Variants in E4F1 observed in about 807,000 individuals in gnomAD.
E4F1 encodes the protein transcription factor E4F1.
A neutral mutation model predicts 72.9 loss-of-function variants in E4F1; 30 were observed. The ratio of observed to expected loss-of-function variants is 0.41; its 90% confidence interval spans 0.31 to 0.56. The LOEUF (loss-of-function observed/expected upper bound fraction) is 0.56, where lower values mean the gene tolerates loss of function less well. Among genes scored for constraint, E4F1 ranks in the 20% least tolerant of loss-of-function variants. The probability of loss-of-function intolerance (pLI) is 0.25; values close to 1 mark genes in which losing one functional copy is unlikely to be tolerated. For synonymous variants in E4F1, 542 were observed against 478.2 expected (o/e 1.13, Z -1.74); for missense variants, 1,091 against 1,117.5 (o/e 0.98, Z 0.34).
rs1393383545 is a variant in E4F1, at chr16:2,235,305, CGAG to C, written c.2092_2094del (p.Glu698del). 3.1e-6 allele frequency: 5 copies of C among 1,611,042 alleles called. No individual in the cohort carries two copies. The highest frequency in any genetic ancestry group is 3.4e-6 in the Non-Finnish European group (4 of 1,179,930). On this transcript the variant is annotated inframe_deletion, in exon 14 of 14. Coordinates refer to ENST00000301727, the MANE Select transcript of E4F1 (RefSeq NM_004424.5). ...TCATCGTGCAGAACGTCACCATGGA[CGAG>C]GAGACGGCGCTGGGCCCAGAGGCGG... is the stretch of plus-strand genomic sequence containing the variant.
Position 2,235,133 on chromosome 16 carries a change from C to G in E4F1, c.1988C>G (p.Thr663Ser). The G allele has an allele frequency of 6.2e-7, 1 of 1,612,204 alleles. No individual in the cohort carries two copies. The highest frequency in any genetic ancestry group is 8.5e-7 in the Non-Finnish European group (1 of 1,179,886). Residue 663 changes from threonine to serine, a missense_variant, in exon 13 of 14, where the codon ACC becomes AGC. Physicochemically the swap from Thr to Ser is moderately conservative, Grantham distance 58 (BLOSUM62 1). Coordinates refer to ENST00000301727, the MANE Select transcript of E4F1 (RefSeq NM_004424.5). Reference protein sequence around the residue: ...TSEATEIIEGTQTEVDSHIMK... With the variant: ...TSEATEIIEGSQTEVDSHIMK... Reference sequence around the variant, plus strand: ...GAGGCCACGGAGATCATCGAGGGCACCCAGACAGAGGTGAGGGGTAGGGCA... The same window carrying G: ...GAGGCCACGGAGATCATCGAGGGCAGCCAGACAGAGGTGAGGGGTAGGGCA...
chr16:2,234,834 G>A (rs1340084544), intron 11 of E4F1, 25 bp from the exon 12 acceptor site: 13 of 1,547,590 alleles, frequency 8.4e-6, no homozygotes, highest in Non-Finnish European at 1.0e-5. Flanking sequence ...GGCTTGCCTA[G>A]CCCTGACCGA....
At position 2,235,718 on chromosome 16, in the gene E4F1, T is replaced by G. The variant is rs1432394606; in HGVS notation, c.*146T>G. 1 of 698,112 alleles carries G rather than the reference T, an allele frequency of 1.4e-6. No individual in the cohort carries two copies. Among genetic ancestry groups the G allele is most frequent in the Non-Finnish European group, 2.3e-6 (1 of 436,778 alleles). 43.2% of individuals were successfully genotyped at this position (698,112 alleles called of 1,614,324 possible). A position where few individuals can be genotyped will look rare whatever the true frequency, so the allele number is the denominator to read the frequency against. On this transcript the variant is annotated 3_prime_UTR_variant, in exon 14 of 14. Coordinates refer to ENST00000301727, the MANE Select transcript of E4F1 (RefSeq NM_004424.5). Reference sequence around the variant, plus strand: ...GTGTACATAAGAGTTTCTTGTTGCTTTACAATAAAACATGAGAACCTGCAG... The same window carrying G: ...GTGTACATAAGAGTTTCTTGTTGCTGTACAATAAAACATGAGAACCTGCAG...
rs142656555 is a variant in E4F1 at position 2,232,243 on chromosome 16, C to A, written c.488C>A (p.Pro163Gln). 3 of 1,612,668 alleles carry A rather than the reference C, an allele frequency of 1.9e-6. No homozygotes were observed. Among genetic ancestry groups the A allele is most frequent in the Non-Finnish European group, 1.7e-6 (2 of 1,179,782 alleles). Residue 163 changes from proline to glutamine, a missense_variant, in exon 4 of 14, where the codon CCG (proline) becomes CAG (glutamine). Pro to Gln is a moderately conservative substitution (Grantham distance 76). This residue lies in a region of E4F1 where 362 missense variants were observed against 358.6 expected (regional missense o/e 1.01). Transcript: ENST00000301727. ...GGAGACGGTGAGATGGCCGAGGCCC[C>A]GGGCAGCCCCCGCCAGCAGGGGCTG... ...ELGDGEMAEA[P>Q]GSPRQQGLGL... is the part of the protein sequence containing the mutation.
intron 2 of E4F1, among the ~76,000 whole-genome samples, chr16:2,229,243 T>A (rs1047788374): frequency 1.3e-5 from 2 of 152,216 alleles, no homozygotes; most frequent in African/African-American, 4.8e-5. Flanking sequence ...GACTGTGCCA[T>A]TGTTCCTGCA....
At position 2,235,427 on chromosome 16, in the gene E4F1, T is replaced by C; in HGVS notation, c.2210T>C (p.Leu737Pro). 1 of 1,612,348 alleles carries C rather than the reference T, an allele frequency of 6.2e-7. No individual in the cohort carries two copies. The highest frequency in any genetic ancestry group is 1.1e-5 in the South Asian group (1 of 91,072). The change falls in exon 14 of 14, where the codon CTT becomes CCT. Residue 737 changes from leucine (L) to proline (P), a missense_variant. By Grantham distance (98) the Leu-to-Pro change is moderately conservative. Around this residue, in one of 5 missense-constraint regions of E4F1, gnomAD observed 622 missense variants for 628.0 expected, o/e 0.99. Transcript: ENST00000301727. Reference protein sequence around the residue: ...LASAISEGTVLAARAGTSGTE... With the variant: ...LASAISEGTVPAARAGTSGTE... ...TCGGCCATCAGCGAGGGCACTGTGC[T>C]TGCCGCCCGGGCAGGGACAAGTGGC...
Position 2,234,754 on chromosome 16 carries a change from A to G in E4F1, c.1765A>G (p.Thr589Ala). 6.6e-7 allele frequency: 1 copy of G among 1,518,822 alleles called. No homozygotes were observed. Among genetic ancestry groups the G allele is most frequent in the Non-Finnish European group, 8.8e-7 (1 of 1,129,986 alleles). 94.1% of individuals were successfully genotyped at this position (1,518,822 alleles called of 1,614,324 possible). A position where few individuals can be genotyped will look rare whatever the true frequency, so the allele number is the denominator to read the frequency against. ...CGGCCGTGGCTTCGCCGAGCACGGC[A>G]CGCTGAACCGGCACCTGCGCACCAA... ...KCGRGFAEHG[T>A]LNRHLRTKGG... is the part of the protein sequence containing the mutation. The change falls in exon 11 of 14, where the codon ACG becomes GCG. Residue 589 changes from threonine to alanine, a missense_variant. By Grantham distance (58) the Thr-to-Ala change is moderately conservative. Transcript: ENST00000301727.
In E4F1 at chr16:2,223,803, G is replaced by A. The variant is rs187072710; in HGVS notation, c.157+33G>A. 5.2e-3 allele frequency: 7,960 copies of A among 1,536,578 alleles called. 43 individuals are homozygous for A. Among genetic ancestry groups the A allele is most frequent in the South Asian group, 0.014 (1,163 of 84,128 alleles). ...GGCCGACCCGGAGGGTGCGGCCGGG[G>A]TGCGGGCAGTTCATCCCGGGCTGGC... On this transcript the variant is annotated intron_variant, in intron 1 of 13. Coordinates refer to ENST00000301727, the MANE Select transcript of E4F1 (RefSeq NM_004424.5).
Position 2,225,752 on chromosome 16 carries a change from G to C in E4F1, c.157+1982G>C, listed in dbSNP as rs992708948. On this transcript the variant is annotated intron_variant, in intron 1 of 13. Coordinates refer to ENST00000301727, the MANE Select transcript of E4F1 (RefSeq NM_004424.5). ...CTCCCAAAGTGCTGGGAATACAGTC[G>C]TGCGCCACCGTGCCCGGCTCCTCCC... is the stretch of plus-strand genomic sequence containing the variant. Among the ~76,000 whole-genome samples, 6 of 146,714 alleles carry C rather than the reference G, an allele frequency of 4.1e-5. No homozygotes were observed. The Admixed American group carries it at 4.1e-4, about 10-fold the overall frequency.
At position 2,232,478 on chromosome 16, in the gene E4F1, T is replaced by C; in HGVS notation, c.632T>C (p.Met211Thr). The change falls in exon 5 of 14, where the codon ATG becomes ACG. Residue 211 changes from methionine (M) to threonine (T), a missense_variant. Coordinates refer to ENST00000301727, the MANE Select transcript of E4F1 (RefSeq NM_004424.5). ...FKTGSILKAHMVTHSSRKDHE... is the reference protein window; with the variant it reads ...FKTGSILKAHTVTHSSRKDHE... ...CAGGGCAGCATCCTCAAGGCCCACA[T>C]GGTCACTCACAGCAGCCGCAAGGAC... 1.9e-6 allele frequency: 3 copies of C among 1,611,148 alleles called. No individual in the cohort carries two copies. The highest frequency in any genetic ancestry group is 2.5e-6 in the Non-Finnish European group (3 of 1,179,308).
intron 1 of E4F1, among the ~76,000 whole-genome samples, chr16:2,227,726 C>G (rs2093440471): frequency 6.6e-6 from 1 of 152,122 alleles, no homozygotes; most frequent in Non-Finnish European, 1.5e-5. Flanking sequence ...GTCTCGAACT[C>G]CTGACCTCAG....
intron 3 of E4F1, 80 bp from the exon 4 acceptor site, chr16:2,232,091 C>T: frequency 1.3e-6 from 2 of 1,559,136 alleles, no homozygotes; most frequent in Non-Finnish European, 1.7e-6. Flanking sequence ...AGCAGCAGGT[C>T]CCCTCCCCTG....
At position 2,235,157 on chromosome 16, in the gene E4F1, CA is replaced by C. The variant is rs1307583348; in HGVS notation, c.1998+15del. On this transcript the variant is annotated intron_variant, in intron 13 of 13. Coordinates refer to ENST00000301727, the MANE Select transcript of E4F1 (RefSeq NM_004424.5). ...ACCCAGACAGAGGTGAGGGGTAGGG[CA>C]GGCGGGGGCGGGGAGGCTCCCTGGC... The C allele has an allele frequency of 1.2e-6, 2 of 1,611,180 alleles. No homozygotes were observed. The highest frequency in any genetic ancestry group is 3.3e-5 in the Admixed American group (2 of 59,982).
rs2093493930 is a variant in E4F1 at position 2,234,754 on chromosome 16, A to T, written c.1765A>T (p.Thr589Ser). 6.6e-7 allele frequency: 1 copy of T among 1,518,822 alleles called. No homozygotes were observed. 94.1% of individuals were successfully genotyped at this position (1,518,822 alleles called of 1,614,324 possible). The change falls in exon 11 of 14, where the codon ACG becomes TCG. Residue 589 changes from threonine to serine, a missense_variant. Around this residue, in one of 5 missense-constraint regions of E4F1, gnomAD observed 622 missense variants for 628.0 expected, o/e 0.99. Coordinates refer to ENST00000301727, the MANE Select transcript of E4F1 (RefSeq NM_004424.5). ...CGGCCGTGGCTTCGCCGAGCACGGCACGCTGAACCGGCACCTGCGCACCAA... is the reference window on the plus strand; with the variant it reads ...CGGCCGTGGCTTCGCCGAGCACGGCTCGCTGAACCGGCACCTGCGCACCAA... ...KCGRGFAEHG[T>S]LNRHLRTKGG...
At chr16:2,234,498 C>T (rs1184073886) in intron 10 of E4F1, 85 bp from the exon 11 acceptor site, 1 of 1,559,322 alleles carries the variant, frequency 6.4e-7, no homozygotes, top group Non-Finnish European at 8.7e-7. Context: ...CTTGACCCAG[C>T]CCCTCCCTTG....
chr16:2,227,826 CTTTTTTT>C (rs34008168), intron 1 of E4F1, among the ~76,000 whole-genome samples: 10 of 132,960 alleles, frequency 7.5e-5, no homozygotes, highest in African/African-American at 2.5e-4. Context: ...GTTTTAAAAA[CTTTTTTT>C]TTTTTTTTTT....
chr16:2,231,933 G>T lies in E4F1; in HGVS notation c.416-238G>T, dbSNP rs766917187. The T allele has an allele frequency of 3.0e-5, 17 of 560,084 alleles. 1 individual carries two copies. Among genetic ancestry groups the T allele is most frequent in the South Asian group, 1.7e-4 (8 of 46,750 alleles). 34.7% of individuals were successfully genotyped at this position (560,084 alleles called of 1,614,324 possible). A position where few individuals can be genotyped will look rare whatever the true frequency, so the allele number is the denominator to read the frequency against. On this transcript the variant is annotated intron_variant, in intron 3 of 13. Coordinates refer to ENST00000301727, the MANE Select transcript of E4F1 (RefSeq NM_004424.5). ...GGTCTCCCTGTGGACACATTTAGGGGCCCTGGAGCATCTCTGGGCAGCCTG... is the reference window on the plus strand; with the variant it reads ...GGTCTCCCTGTGGACACATTTAGGGTCCCTGGAGCATCTCTGGGCAGCCTG...
At chr16:2,227,432 T>C (rs1224717169) in intron 1 of E4F1, among the ~76,000 whole-genome samples, 1 of 152,062 alleles carries the variant, frequency 6.6e-6, no homozygotes, top group Non-Finnish European at 1.5e-5. Flanking sequence ...AGTGCAGTGG[T>C]GTGATCTCGG....
At chr16:2,224,274 C>G (rs574509932) in intron 1 of E4F1, among the ~76,000 whole-genome samples, 101 of 152,342 alleles carry the variant, frequency 6.6e-4, no homozygotes, top group Non-Finnish European at 1.1e-3. Flanking sequence ...TGGCCCCTTC[C>G]AGTCCCACAC....
Sources: allele counts gnomAD v4.1 joint callset (sites outside exome capture counted in the v4.1 genomes callset), GRCh38; gene constraint gnomAD v4.1.1; regional missense constraint gnomAD v4.1.1; transcripts MANE v1.5; gene names NCBI Gene and HGNC (gene_info 2026-07-23, HGNC 2026-07-21).